The following ADAMTSL1 variants were observed in gnomAD, a reference collection of about 807,000 sequenced individuals.
The protein encoded by ADAMTSL1 is ADAMTS like 1.
Under a neutral mutation model 201.8 loss-of-function variants are expected in ADAMTSL1, and 126 were observed. That is an observed-to-expected ratio of 0.62 (90% CI 0.54 to 0.72). The LOEUF (loss-of-function observed/expected upper bound fraction) is 0.72. Among genes scored for constraint, ADAMTSL1 ranks in the 30% least tolerant of loss-of-function variants. ADAMTSL1 has a pLI of 0.00. For missense variants in ADAMTSL1, 2,679 were observed against 2,277.8 expected (o/e 1.18, Z -3.59); for synonymous variants, 1,121 against 903.4 (o/e 1.24, Z -4.32).
chr9:18,320,674 A>ACATTGT lies in ADAMTSL1; in HGVS notation c.207+156693_207+156694insCATTGT, dbSNP rs1563884865. Among the ~76,000 whole-genome samples, 23 of 152,330 alleles carry ACATTGT rather than the reference A, an allele frequency of 1.5e-4. 1 individual carries two copies. In the East Asian group the frequency reaches 4.4e-3, roughly 29 times the overall value. On this transcript the variant is annotated intron_variant, in intron 2 of 29. Coordinates refer to the ADAMTSL1 transcript ENST00000680146. ...TCCAACATTACATTGTGAGGTGTAT[A>ACATTGT]AATGTATGGGAAATATATTAAAATA...
intron 4 of ADAMTSL1, among the ~76,000 whole-genome samples, chr9:18,607,788 T>G (rs1825122764): frequency 6.6e-6 from 1 of 151,206 alleles, no homozygotes; most frequent in African/African-American, 2.4e-5. Flanking sequence ...CCCTGTGTTC[T>G]CATTGTTCAG....
chr9:18,287,571 A>G (rs1351931169), intron 2 of ADAMTSL1, among the ~76,000 whole-genome samples: 1 of 143,828 alleles, frequency 7.0e-6, no homozygotes, highest in Non-Finnish European at 1.5e-5. Flanking sequence ...TATTACATAT[A>G]TGTAAATATA....
intron 20 of ADAMTSL1, among the ~76,000 whole-genome samples, chr9:18,807,818 AAAT>A (rs1413413488): frequency 6.6e-6 from 1 of 152,148 alleles, no homozygotes; most frequent in Non-Finnish European, 1.5e-5. Flanking sequence ...ATCTTAACAC[AAAT>A]GTATAATTTA....
intron 1 of ADAMTSL1, among the ~76,000 whole-genome samples, chr9:17,926,791 G>C (rs902666478): frequency 6.6e-6 from 1 of 152,094 alleles, no homozygotes; most frequent in African/African-American, 2.4e-5. Flanking sequence ...AGATGTTTAA[G>C]TTTTCTGACT....
chr9:18,716,268 A>G (rs1832923129), intron 14 of ADAMTSL1, among the ~76,000 whole-genome samples: 1 of 152,114 alleles, frequency 6.6e-6, no homozygotes. Flanking sequence ...GCTTCTGCAC[A>G]GCAAAAGAAA....
chr9:17,995,823 T>C (rs1248018186), intron 1 of ADAMTSL1, among the ~76,000 whole-genome samples: 1 of 151,616 alleles, frequency 6.6e-6, no homozygotes, highest in African/African-American at 2.4e-5. Flanking sequence ...ATGCTGGTGC[T>C]GGAAATAGAG....
intron 1 of ADAMTSL1, among the ~76,000 whole-genome samples, chr9:17,982,861 G>T (rs1818765419): frequency 1.3e-5 from 2 of 151,796 alleles, no homozygotes; most frequent in African/African-American, 4.8e-5. Context: ...CCAAGATAAT[G>T]GCAGTTCTCA....
chr9:18,080,321 G>C (rs907543751), intron 1 of ADAMTSL1, among the ~76,000 whole-genome samples: 1 of 152,202 alleles, frequency 6.6e-6, no homozygotes, highest in African/African-American at 2.4e-5. Flanking sequence ...GGTGGTTTTT[G>C]TAAGACTGAG....
At chr9:18,552,295 G>T (rs1175627290) in intron 3 of ADAMTSL1, among the ~76,000 whole-genome samples, 1 of 151,728 alleles carries the variant, frequency 6.6e-6, no homozygotes, top group Non-Finnish European at 1.5e-5. Context: ...TTATCATTCA[G>T]TTCTAGGTAT....
At chr9:18,785,809 C>G (rs1588107959) in intron 19 of ADAMTSL1, among the ~76,000 whole-genome samples, 1 of 152,182 alleles carries the variant, frequency 6.6e-6, no homozygotes. Flanking sequence ...GAAACAATAC[C>G]TGGAAGGGCA....
At chr9:18,417,478 A>G (rs950646518) in intron 2 of ADAMTSL1, among the ~76,000 whole-genome samples, 1 of 151,932 alleles carries the variant, frequency 6.6e-6, no homozygotes, top group Non-Finnish European at 1.5e-5. Context: ...GAAGGAAACA[A>G]CTAAATGGAT....
At chr9:17,920,198 A>T (rs193148302) in intron 1 of ADAMTSL1, among the ~76,000 whole-genome samples, 14 of 152,276 alleles carry the variant, frequency 9.2e-5, no homozygotes, top group Admixed American at 3.9e-4. Flanking sequence ...AATACCTGTC[A>T]CATGCCTATG....
chr9:18,336,689 G>A (rs75269476), intron 2 of ADAMTSL1, among the ~76,000 whole-genome samples: 12,388 of 152,160 alleles, frequency 0.081, 688 homozygotes, highest in Non-Finnish European at 0.12. Context: ...TGCCCTGCCT[G>A]TGTACTAAAA....
intron 2 of ADAMTSL1, among the ~76,000 whole-genome samples, chr9:18,239,647 C>T (rs902415002): frequency 4.6e-5 from 7 of 152,070 alleles, no homozygotes; most frequent in Non-Finnish European, 1.0e-4. Context: ...ACTCGGGAGG[C>T]TGAGGCATGA....
chr9:18,616,268 G>A (rs553259590), intron 4 of ADAMTSL1, among the ~76,000 whole-genome samples: 16 of 152,218 alleles, frequency 1.1e-4, no homozygotes, highest in African/African-American at 2.4e-4. Flanking sequence ...CAAGTGATCC[G>A]CCTGCCTTGG....
intron 2 of ADAMTSL1, among the ~76,000 whole-genome samples, chr9:18,321,235 AAG>A (rs1305976942): frequency 6.6e-6 from 1 of 152,172 alleles, no homozygotes; most frequent in Admixed American, 6.5e-5. Flanking sequence ...GTAATAATAA[AAG>A]AGTTAATAAG....
chr9:18,234,470 C>T (rs1563825403), intron 2 of ADAMTSL1, among the ~76,000 whole-genome samples: 1 of 152,084 alleles, frequency 6.6e-6, no homozygotes, highest in Non-Finnish European at 1.5e-5. Context: ...CATGAAGCTT[C>T]GGAGCTAGTG....
At chr9:18,903,970 T>A (rs1240834990) in intron 26 of ADAMTSL1, among the ~76,000 whole-genome samples, 2 of 152,172 alleles carry the variant, frequency 1.3e-5, no homozygotes, top group Admixed American at 6.5e-5. Context: ...ATCACTTTTT[T>A]TTTTTAGAGA....
At chr9:18,004,879 C>A (rs184648018) in intron 1 of ADAMTSL1, among the ~76,000 whole-genome samples, 3 of 152,026 alleles carry the variant, frequency 2.0e-5, no homozygotes, top group Non-Finnish European at 4.4e-5. Context: ...TGAAGACGTA[C>A]CAAATGTAAC....
Sources: gnomAD v4.1 joint callset for allele counts (sites outside exome capture counted in the v4.1 genomes callset) on GRCh38, gnomAD v4.1.1 for gene constraint, MANE v1.5 for transcripts, NCBI Gene and HGNC (gene_info 2026-07-23, HGNC 2026-07-21) for gene names.